Variants in PRPSAP2 observed in about 807,000 individuals in gnomAD.
PRPSAP2 encodes phosphoribosyl pyrophosphate synthetase associated protein 2.
A neutral mutation model predicts 40.6 loss-of-function variants in PRPSAP2; 24 were observed. The ratio of observed to expected loss-of-function variants is 0.59; its 90% CI spans 0.43 to 0.83. PRPSAP2 has a LOEUF of 0.83. Among genes scored for constraint, PRPSAP2 ranks in the 40% least tolerant of loss-of-function variants. The pLI is 0.00. For missense variants in PRPSAP2, 292 were observed against 465.6 expected, an observed-to-expected ratio of 0.63 and a Z score of 3.43; for synonymous variants, 149 against 164.7, an observed-to-expected ratio of 0.90 and a Z score of 0.73.
At chr17:18,875,609 A>G (rs2038233629) in intron 5 of PRPSAP2, among the ~76,000 whole-genome samples, 1 of 151,722 alleles carries the variant, frequency 6.6e-6, no homozygotes, top group South Asian at 2.1e-4. Context: ...TACACCTATA[A>G]TCCCAGAGCT....
chr17:18,903,826 G>A (rs975432420), intron 8 of PRPSAP2, among the ~76,000 whole-genome samples: 3 of 152,178 alleles, frequency 2.0e-5, no homozygotes, highest in Admixed American at 6.6e-5. Context: ...CTTATATCCC[G>A]TAGCTATGTG....
intron 5 of PRPSAP2, among the ~76,000 whole-genome samples, chr17:18,874,587 G>A (rs907177302): frequency 8.5e-5 from 13 of 152,174 alleles, no homozygotes; most frequent in African/African-American, 3.1e-4. Context: ...CTGGCAAACG[G>A]GTGTGCTCTG....
At chr17:18,882,083 C>G (rs1194346796) in intron 6 of PRPSAP2, among the ~76,000 whole-genome samples, 11 of 145,006 alleles carry the variant, frequency 7.6e-5, no homozygotes, top group Non-Finnish European at 1.2e-4. Context: ...TTGTGATCCA[C>G]CCACCTCGCC....
chr17:18,908,749 A>G (rs2040761594), intron 8 of PRPSAP2: 1 of 726,696 alleles, frequency 1.4e-6, no homozygotes, highest in Non-Finnish European at 2.5e-6. Flanking sequence ...CAAGAAAGAG[A>G]TCGGAGAGAA....
Position 18,926,057 on chromosome 17 carries a change from C to T in PRPSAP2, c.804+2073C>T, listed in dbSNP as rs1030696211. On this transcript the variant is annotated intron_variant, in intron 10 of 11. Transcript: ENST00000268835. Reference sequence around the variant, plus strand: ...AGCTTGCAGTGAGCCGAGATCGTGCCACTGCACTCCAGCCCAGGCGACTGA... The same window carrying T: ...AGCTTGCAGTGAGCCGAGATCGTGCTACTGCACTCCAGCCCAGGCGACTGA... Among the ~76,000 whole-genome samples the T allele has an allele frequency of 3.3e-5, 5 of 151,626 alleles. No homozygotes were observed. The East Asian group carries it at 9.8e-4, about 30-fold the overall frequency.
At chr17:18,883,609 G>A (rs1171419115) in intron 7 of PRPSAP2, among the ~76,000 whole-genome samples, 5 of 151,910 alleles carry the variant, frequency 3.3e-5, no homozygotes, top group Non-Finnish European at 4.4e-5. Context: ...GGCTGATCTC[G>A]AACGCTGACC....
At chr17:18,899,617 C>T (rs1419051245) in intron 8 of PRPSAP2, among the ~76,000 whole-genome samples, 1 of 142,804 alleles carries the variant, frequency 7.0e-6, no homozygotes, top group African/African-American at 2.6e-5. Context: ...CAACCTCTGC[C>T]TCCTAGGCTC....
chr17:18,882,421 G>C, intron 6 of PRPSAP2, 147 bp from the exon 7 acceptor site: 2 of 623,726 alleles, frequency 3.2e-6, no homozygotes, highest in Non-Finnish European at 5.8e-6. Flanking sequence ...TGAGGTGAGA[G>C]GATTGCTTCA....
rs149894044 is a variant in PRPSAP2, at chr17:18,920,219, C to T, written c.734-3695C>T. ...AGCACATGGGCTGTGATGAGGAACG[C>T]GTTGGCAGTCTTTAGATGAACGCTG... is the stretch of plus-strand genomic sequence containing the variant. On this transcript the variant is annotated intron_variant, in intron 9 of 11. Transcript: ENST00000268835. 1.4e-3 allele frequency among the ~76,000 whole-genome samples: 216 copies of T among 152,230 alleles called. 1 individual carries two copies. The highest frequency in any genetic ancestry group is 4.9e-3 in the African/African-American group (203 of 41,520).
chr17:18,883,844 A>C (rs1457103917), intron 7 of PRPSAP2, among the ~76,000 whole-genome samples: 1 of 152,210 alleles, frequency 6.6e-6, no homozygotes. Flanking sequence ...TTCTGGTAAG[A>C]ATACAGGGCT....
At chr17:18,862,835 T>A (rs1310707921) in intron 1 of PRPSAP2, among the ~76,000 whole-genome samples, 1 of 144,102 alleles carries the variant, frequency 6.9e-6, no homozygotes, top group South Asian at 2.2e-4. Flanking sequence ...TTATTTATTT[T>A]TCTGAGACAG....
intron 9 of PRPSAP2, among the ~76,000 whole-genome samples, chr17:18,915,395 C>T (rs915226945): frequency 3.9e-5 from 6 of 152,084 alleles, no homozygotes; most frequent in Non-Finnish European, 7.4e-5. Context: ...TTGAGGCTTT[C>T]TTTACAGCTG....
chr17:18,903,875 A>C (rs2040428535), intron 8 of PRPSAP2, among the ~76,000 whole-genome samples: 1 of 152,216 alleles, frequency 6.6e-6, no homozygotes, highest in Non-Finnish European at 1.5e-5. Flanking sequence ...TGATAAACAC[A>C]TTCACCCAGA....
Position 18,870,261 on chromosome 17 carries a change from C to T in PRPSAP2, c.173-2322C>T, listed in dbSNP as rs545711767. ...TTTGAAATTAAGTGCAGGCCGGGTG[C>T]GGTGGCTCACTCCTGTAATCCCAGC... On this transcript the variant is annotated intron_variant, in intron 4 of 11. Transcript: ENST00000268835. Among the ~76,000 whole-genome samples, 136 of 152,112 alleles carry T rather than the reference C, an allele frequency of 8.9e-4. 1 individual carries two copies. The highest frequency in any genetic ancestry group is 3.3e-3 in the East Asian group (17 of 5,178).
chr17:18,866,868 GCTT>G (rs1248299710), intron 3 of PRPSAP2, among the ~76,000 whole-genome samples: 1 of 152,188 alleles, frequency 6.6e-6, no homozygotes. Context: ...GTGCTGAAGT[GCTT>G]TTAAACTGAA....
chr17:18,869,278 A>G (rs1252578342), intron 4 of PRPSAP2, among the ~76,000 whole-genome samples: 1 of 152,074 alleles, frequency 6.6e-6, no homozygotes, highest in East Asian at 1.9e-4. Flanking sequence ...GATGTTAGGT[A>G]CGAGGTCCAG....
chr17:18,872,251 C>T (rs1406539543), intron 4 of PRPSAP2, among the ~76,000 whole-genome samples: 3 of 141,462 alleles, frequency 2.1e-5, no homozygotes, highest in Non-Finnish European at 4.5e-5. Context: ...CCAGCGTGGG[C>T]GACAGAGCAA....
intron 8 of PRPSAP2, among the ~76,000 whole-genome samples, chr17:18,891,762 A>C (rs887239661): frequency 6.6e-6 from 1 of 152,170 alleles, no homozygotes; most frequent in Non-Finnish European, 1.5e-5. Context: ...GTCCCTCGGC[A>C]GCCACACAGT....
chr17:18,914,140 C>T (rs963866127), intron 9 of PRPSAP2, among the ~76,000 whole-genome samples: 17 of 150,252 alleles, frequency 1.1e-4, no homozygotes, highest in Non-Finnish European at 1.6e-4. Context: ...AAGACTGTGC[C>T]ACCGTACTCC....
Sources: gnomAD v4.1 joint callset for allele counts (sites outside exome capture counted in the v4.1 genomes callset) on GRCh38, gnomAD v4.1.1 for gene constraint, MANE v1.5 for transcripts, NCBI Gene and HGNC (gene_info 2026-07-23, HGNC 2026-07-21) for gene names.